Variants in MCC observed in about 807,000 individuals in gnomAD.
MCC encodes colorectal mutant cancer protein.
Under a neutral mutation model 116.2 loss-of-function variants are expected in MCC, and 90 were observed. That is an observed-to-expected ratio of 0.77 (90% CI 0.65 to 0.92). The LOEUF is 0.92. MCC is among the 40% of genes least tolerant of loss of function. The pLI is 0.00. For missense variants in MCC, 1,516 were observed against 1,312.2 expected (o/e 1.16, Z -2.40); for synonymous variants, 578 against 510.5 (o/e 1.13, Z -1.78).
intron 3 of MCC, among the ~76,000 whole-genome samples, chr5:113,309,013 G>A (rs1393140830): frequency 6.6e-6 from 1 of 151,984 alleles, no homozygotes; most frequent in South Asian, 2.1e-4. Flanking sequence ...GAGAAAAGAG[G>A]CCATATTTTT....
intron 3 of MCC, among the ~76,000 whole-genome samples, chr5:113,294,026 G>C (rs1473923938): frequency 6.6e-6 from 1 of 152,196 alleles, no homozygotes; most frequent in Non-Finnish European, 1.5e-5. Context: ...TAGTGGAAGC[G>C]GGTGGGAAGG....
chr5:113,311,793 A>G (rs1403131276), intron 3 of MCC, among the ~76,000 whole-genome samples: 3 of 152,060 alleles, frequency 2.0e-5, no homozygotes, highest in African/African-American at 4.8e-5. Context: ...GCAACATGGT[A>G]AAACCCCGTC....
intron 3 of MCC, among the ~76,000 whole-genome samples, chr5:113,316,967 C>G (rs1419696022): frequency 6.6e-6 from 1 of 152,156 alleles, no homozygotes; most frequent in African/African-American, 2.4e-5. Context: ...TTGGACAAAG[C>G]TATTTTAATG....
intron 3 of MCC, chr5:113,294,223 G>T: frequency 7.1e-7 from 1 of 1,405,806 alleles, no homozygotes; most frequent in Non-Finnish European, 9.8e-7. Flanking sequence ...CAGACTGGGA[G>T]CACAGGGGGA....
intron 3 of MCC, among the ~76,000 whole-genome samples, chr5:113,216,635 C>T (rs1037744560): frequency 6.6e-6 from 1 of 152,160 alleles, no homozygotes; most frequent in Non-Finnish European, 1.5e-5. Context: ...TTTAAAGGCT[C>T]CTGACAAAAT....
chr5:113,109,889 G>C (rs891286770), intron 6 of MCC, among the ~76,000 whole-genome samples: 55 of 152,214 alleles, frequency 3.6e-4, no homozygotes, highest in African/African-American at 1.3e-3. Context: ...AAAAACCCTG[G>C]CCCCCACTGC....
At chr5:113,044,222 AATC>A in intron 16 of MCC, among the ~76,000 whole-genome samples, 1 of 152,330 alleles carries the variant, frequency 6.6e-6, no homozygotes, top group Non-Finnish European at 1.5e-5. Context: ...GGTTCAGTGT[AATC>A]ATCAAGAAAA....
At chr5:113,271,954 T>C (rs1230214408) in intron 3 of MCC, among the ~76,000 whole-genome samples, 2 of 152,180 alleles carry the variant, frequency 1.3e-5, no homozygotes, top group African/African-American at 4.8e-5. Flanking sequence ...GAGCACAAAA[T>C]GAACTGAGAC....
intron 8 of MCC, among the ~76,000 whole-genome samples, chr5:113,090,310 G>C (rs561542868): frequency 2.6e-5 from 4 of 151,660 alleles, no homozygotes; most frequent in Non-Finnish European, 4.4e-5. Flanking sequence ...CTAGGCATGA[G>C]GGGGGAATGT....
At chr5:113,132,449 C>CAT (rs1237730823) in intron 5 of MCC, among the ~76,000 whole-genome samples, 2,213 of 111,016 alleles carry the variant, frequency 0.02, 89 homozygotes, top group Non-Finnish European at 0.021. Flanking sequence ...TATATACACA[C>CAT]ACACACACAC....
intron 3 of MCC, among the ~76,000 whole-genome samples, chr5:113,193,830 C>G (rs1233936891): frequency 1.3e-5 from 2 of 152,030 alleles, no homozygotes; most frequent in African/African-American, 4.8e-5. Context: ...TTAGTGAATG[C>G]TACATATACA....
At chr5:113,149,783 T>C (rs913635114) in intron 4 of MCC, among the ~76,000 whole-genome samples, 4 of 152,050 alleles carry the variant, frequency 2.6e-5, no homozygotes, top group African/African-American at 4.8e-5. Context: ...AGGTGTGCCA[T>C]TGAACAACAA....
chr5:113,101,517 A>G (rs574786708), intron 8 of MCC: 17 of 560,378 alleles, frequency 3.0e-5, no homozygotes, highest in South Asian at 2.7e-4. Flanking sequence ...AGTCAGATTT[A>G]AGATTCCAGA....
chr5:113,041,916 G>A (rs1004705590), intron 17 of MCC, among the ~76,000 whole-genome samples: 1 of 152,114 alleles, frequency 6.6e-6, no homozygotes, highest in Non-Finnish European at 1.5e-5. Context: ...AGAATTGTTT[G>A]AACCTGGGAG....
At chr5:113,269,287 G>T in intron 3 of MCC, 1 of 780,566 alleles carries the variant, frequency 1.3e-6, no homozygotes, top group Non-Finnish European at 1.6e-6. Context: ...GGAACCAGAG[G>T]CCAATGAACT....
intron 1 of MCC, among the ~76,000 whole-genome samples, chr5:113,461,744 T>TAAAAAAAAAAAAAAAAAAAAAA (rs56312844): frequency 8.4e-6 from 1 of 118,850 alleles, no homozygotes; most frequent in Non-Finnish European, 1.7e-5. Flanking sequence ...CTTGCACCAG[T>TAAAAAAAAAAAAAAAAAAAAAA]AAAAAAAAAA....
rs2150286000 is a variant in MCC, at chr5:113,143,370, A to C, written c.742-10T>G. 6.2e-7 allele frequency: 1 copy of C among 1,613,590 alleles called. No homozygotes were observed. Among genetic ancestry groups the C allele is most frequent in the African/African-American group, 1.3e-5 (1 of 75,038 alleles). On this transcript the variant is annotated splice_polypyrimidine_tract_variant and intron_variant, in intron 4 of 18. Coordinates refer to ENST00000408903, the MANE Select transcript of MCC (RefSeq NM_001085377.2). ...GGTGGGACTGCTCGCACTGGGAATA[A>C]GGGAAAAGGACAGAAGTGCTGATGA...
At chr5:113,198,596 C>A (rs1331441675) in intron 3 of MCC, among the ~76,000 whole-genome samples, 2 of 149,684 alleles carry the variant, frequency 1.3e-5, no homozygotes, top group African/African-American at 2.5e-5. Context: ...CCCAGCTACT[C>A]GGCAGGTTGA....
chr5:113,055,299 C>T (rs1752762308), intron 14 of MCC, among the ~76,000 whole-genome samples: 1 of 152,174 alleles, frequency 6.6e-6, no homozygotes, highest in Non-Finnish European at 1.5e-5. Context: ...CCGCCAGATG[C>T]CACAAACCCA....
Sources: gnomAD v4.1 joint callset for allele counts (sites outside exome capture counted in the v4.1 genomes callset) on GRCh38, gnomAD v4.1.1 for gene constraint, MANE v1.5 for transcripts, NCBI Gene and HGNC (gene_info 2026-07-23, HGNC 2026-07-21) for gene names.